SH2D4B: variants seen among roughly 807,000 people sequenced by gnomAD.
SH2D4B encodes the protein SH2 domain-containing protein 4B.
A neutral mutation model predicts 61.5 loss-of-function variants in SH2D4B; 45 were observed. The observed-to-expected ratio is 0.73, with a 90% CI of 0.58 to 0.94. The LOEUF (loss-of-function observed/expected upper bound fraction) is 0.94. SH2D4B is among the 40% of genes least tolerant of loss of function. The pLI, the probability that SH2D4B is intolerant of heterozygous loss-of-function variation, is 0.00. For missense variants in SH2D4B, 572 were observed against 574.2 expected, an observed-to-expected ratio of 1.00 and a Z score of 0.04; for synonymous variants, 224 against 220.4, an observed-to-expected ratio of 1.02 and a Z score of -0.14.
intron 6 of SH2D4B, among the ~76,000 whole-genome samples, chr10:80,610,494 C>A (rs1842583453): frequency 6.6e-6 from 1 of 152,184 alleles, no homozygotes; most frequent in Non-Finnish European, 1.5e-5. Flanking sequence ...TGCTTCTCTG[C>A]ATTGAAAATC....
At chr10:80,574,280 G>T (rs1254664762) in intron 3 of SH2D4B, among the ~76,000 whole-genome samples, 2 of 152,072 alleles carry the variant, frequency 1.3e-5, no homozygotes, top group Admixed American at 1.3e-4. Context: ...GGAACTGCAG[G>T]CATGTGCCAC....
rs2132170971 is a variant in SH2D4B, at chr10:80,645,329, A to G, written c.*1244A>G. 6.6e-6 allele frequency: 1 copy of G among 152,232 alleles called. No homozygotes were observed. The highest frequency in any genetic ancestry group is 1.5e-5 in the Non-Finnish European group (1 of 68,042). The allele number at this position is 152,232 out of a possible 1,614,324, so 9.4% of individuals were successfully genotyped here. On this transcript the variant is annotated 3_prime_UTR_variant, in exon 8 of 8. Coordinates refer to ENST00000646907, the MANE Select transcript of SH2D4B (RefSeq NM_001388272.1). ...ACCACAAGCCACCAGCACTATAACC[A>G]GTTTTGCGTGGGTTCTGCTCTTCCT...
intron 3 of SH2D4B, among the ~76,000 whole-genome samples, chr10:80,572,898 G>A (rs1842066197): frequency 7.4e-6 from 1 of 135,140 alleles, no homozygotes; most frequent in Non-Finnish European, 1.6e-5. Flanking sequence ...GATTATGGGT[G>A]TGAGCCACTG....
intron 3 of SH2D4B, among the ~76,000 whole-genome samples, chr10:80,587,577 CT>C (rs59716639): frequency 2.6e-3 from 388 of 149,888 alleles, no homozygotes; most frequent in African/African-American, 9.0e-3. Context: ...CGACGCCCAG[CT>C]TTTTTTTTTC....
At chr10:80,577,223 C>T (rs542063503) in intron 3 of SH2D4B, among the ~76,000 whole-genome samples, 32 of 152,214 alleles carry the variant, frequency 2.1e-4, no homozygotes, top group Non-Finnish European at 4.4e-4. Context: ...GAGGAAGAGG[C>T]TACATGGAGA....
At chr10:80,629,061 C>A (rs7899326) in intron 6 of SH2D4B, among the ~76,000 whole-genome samples, 1 of 150,784 alleles carries the variant, frequency 6.6e-6, no homozygotes, top group Admixed American at 6.6e-5. Context: ...AAAGAAATAC[C>A]CAAGACTGGG....
chr10:80,538,308 G>T lies in SH2D4B; in HGVS notation c.-24G>T. 2 of 1,297,598 alleles carry T rather than the reference G, an allele frequency of 1.5e-6. No homozygotes were observed. The highest frequency in any genetic ancestry group is 9.9e-7 in the Non-Finnish European group (1 of 1,014,112). The allele number at this position is 1,297,598 out of a possible 1,614,324, so 80.4% of individuals were successfully genotyped here. Reference sequence around the variant, plus strand: ...TGCTTCCCCTGCTGGCTGCCCTTCTGGTGCGTGCATCCCAGGTGGCATCAT... The same window carrying T: ...TGCTTCCCCTGCTGGCTGCCCTTCTTGTGCGTGCATCCCAGGTGGCATCAT... On this transcript the variant is annotated 5_prime_UTR_variant, in exon 1 of 8. Coordinates refer to ENST00000646907, the MANE Select transcript of SH2D4B (RefSeq NM_001388272.1). This position sits in a 1 kb window ranked among gnomAD's most constrained non-coding sequence, Gnocchi z 4.8.
intron 3 of SH2D4B, among the ~76,000 whole-genome samples, chr10:80,579,908 G>T (rs532741852): frequency 1.3e-5 from 2 of 152,306 alleles, no homozygotes; most frequent in South Asian, 4.1e-4. Context: ...GGTGTACCCT[G>T]TCCCTCCCGG....
intron 6 of SH2D4B, among the ~76,000 whole-genome samples, chr10:80,621,263 A>G (rs1842715467): frequency 6.6e-6 from 1 of 152,238 alleles, no homozygotes; most frequent in Non-Finnish European, 1.5e-5. Flanking sequence ...CCTGCAGTGC[A>G]CAAGGCAGCC....
chr10:80,538,201 G>A lies in SH2D4B; in HGVS notation c.-131G>A. On this transcript the variant is annotated 5_prime_UTR_variant, in exon 1 of 8. Transcript: ENST00000646907. The surrounding 1 kb of genome is among the most constrained non-coding windows in gnomAD (Gnocchi z 4.8). ...CAAGCTGAGGCCAACTGACAATGCT[G>A]CACAGAGAAGGGGCACCGAGAGTGG... The A allele has an allele frequency of 1.4e-6, 1 of 711,998 alleles. No individual in the cohort carries two copies. Among genetic ancestry groups the A allele is most frequent in the Non-Finnish European group, 2.0e-6 (1 of 500,632 alleles). 44.1% of individuals were successfully genotyped at this position (711,998 alleles called of 1,614,324 possible).
At chr10:80,588,601 C>T (rs756689513) in intron 3 of SH2D4B, 29 bp from the exon 4 acceptor site, 4 of 1,610,492 alleles carry the variant, frequency 2.5e-6, no homozygotes, top group East Asian at 2.2e-5. Flanking sequence ...GTGGTCATCT[C>T]GTGTTGTTCT....
At position 80,570,245 on chromosome 10, in the gene SH2D4B, C is replaced by T. The variant is rs149783849; in HGVS notation, c.276C>T (p.Tyr92=). 4.3e-5 allele frequency: 69 copies of T among 1,614,030 alleles called. No homozygotes were observed. The African/African-American group carries it at 5.6e-4, about 13-fold the overall frequency. Residue 92 remains tyrosine (Y), a synonymous_variant, in exon 2 of 8, where the codon TAC becomes TAT. Coordinates refer to ENST00000646907, the MANE Select transcript of SH2D4B (RefSeq NM_001388272.1). ...IMGEGPGDKP[Y]EEISEELIAE... ...GAGAAGGCCCTGGTGACAAGCCCTA[C>T]GAAGAGATCTCTGAGGAGCTGATTG...
At chr10:80,559,985 C>CTTTT (rs144516423) in intron 1 of SH2D4B, among the ~76,000 whole-genome samples, 4 of 124,596 alleles carry the variant, frequency 3.2e-5, no homozygotes, top group African/African-American at 6.7e-5. Context: ...TAAAATACAC[C>CTTTT]TTTTTTTTTT....
intron 3 of SH2D4B, among the ~76,000 whole-genome samples, chr10:80,587,797 T>C (rs1006709682): frequency 6.6e-6 from 1 of 152,174 alleles, no homozygotes. Context: ...TTTATGTCCA[T>C]GAGTACCCAG....
intron 4 of SH2D4B, among the ~76,000 whole-genome samples, chr10:80,589,888 T>A (rs1842306815): frequency 6.6e-6 from 1 of 152,112 alleles, no homozygotes; most frequent in Non-Finnish European, 1.5e-5. Flanking sequence ...TTGGGGAGTG[T>A]CAGGTTCGCA....
rs143679795 is a variant in SH2D4B, at chr10:80,638,887, G to A, written c.1209+4382G>A. Among the ~76,000 whole-genome samples, 1,213 of 152,188 alleles carry A rather than the reference G, an allele frequency of 8.0e-3. 19 individuals are homozygous for A. Among genetic ancestry groups the A allele is most frequent in the African/African-American group, 0.028 (1,143 of 41,532 alleles). On this transcript the variant is annotated intron_variant, in intron 7 of 7. Transcript: ENST00000646907. ...CTTTTAGTTGTGATGTTAGGGTGTT[G>A]ATTTAGATCTTTCCTGCTTTCTCTT... is the stretch of plus-strand genomic sequence containing the variant.
intron 6 of SH2D4B, among the ~76,000 whole-genome samples, chr10:80,628,272 T>A (rs547433519): frequency 1.2e-3 from 177 of 152,152 alleles, no homozygotes; most frequent in African/African-American, 3.9e-3. Context: ...GGAGGTAATT[T>A]GAGTAATGGA....
At chr10:80,629,535 A>G (rs1842806385) in intron 6 of SH2D4B, among the ~76,000 whole-genome samples, 1 of 152,222 alleles carries the variant, frequency 6.6e-6, no homozygotes, top group South Asian at 2.1e-4. Context: ...CACCTTCAGC[A>G]GCCTATGTTT....
intron 4 of SH2D4B, among the ~76,000 whole-genome samples, chr10:80,600,067 C>T (rs928604373): frequency 5.3e-5 from 8 of 152,186 alleles, no homozygotes; most frequent in Non-Finnish European, 1.2e-4. Context: ...CAGGGCTTTC[C>T]AAGCCCGCCA....
Sources: allele counts gnomAD v4.1 joint callset (sites outside exome capture counted in the v4.1 genomes callset), GRCh38; gene constraint gnomAD v4.1.1; non-coding constraint Gnocchi (gnomAD v3.1); transcripts MANE v1.5; gene names NCBI Gene and HGNC (gene_info 2026-07-23, HGNC 2026-07-21).